The following RPS3 variants were observed in gnomAD, a reference collection of about 807,000 sequenced individuals.
RPS3 encodes the protein small ribosomal subunit protein uS3.
Under a neutral mutation model 25.8 loss-of-function variants are expected in RPS3, and 2 were observed. That is an observed-to-expected ratio of 0.08 (90% CI 0.03 to 0.24). RPS3 has a LOEUF of 0.24. Ranked by LOEUF, RPS3 falls within the 10% of genes least tolerant of loss-of-function variation. RPS3 has a pLI of 1.00. For synonymous variants in RPS3, 114 were observed against 114.2 expected (o/e 1.00, Z 0.01); for missense variants, 107 against 307.1 (o/e 0.35, Z 4.87).
downstream of RPS3, among the ~76,000 whole-genome samples, chr11:75,410,549 C>T (rs1448820233): frequency 1.5e-4 from 23 of 151,556 alleles, no homozygotes; most frequent in African/African-American, 4.8e-4. Flanking sequence ...AGACGATGGG[C>T]GGCCAGGCAG....
Position 75,399,552 on chromosome 11 carries a change from C to T in RPS3, c.5C>T (p.Ala2Val), listed in dbSNP as rs1046077337. 10 of 1,613,910 alleles carry T rather than the reference C, an allele frequency of 6.2e-6. No individual in the cohort carries two copies. Among genetic ancestry groups the T allele is most frequent in the African/African-American group, 2.7e-5 (2 of 75,048 alleles). ...TCAGCGGAGCGCGGCGGCAAGATGG[C>T]AGTGCAAATATCCAAGAAGAGGAAG... M[A>V]VQISKKRKFV... The change falls in exon 1 of 7, where the codon GCA becomes GTA. Residue 2 changes from alanine to valine, a missense_variant. By Grantham distance (64) the Ala-to-Val change is moderately conservative. Coordinates refer to ENST00000531188, the MANE Select transcript of RPS3 (RefSeq NM_001005.5).
chr11:75,421,238 G>T (rs756641889), intron 6 of RPS3, among the ~76,000 whole-genome samples: 80 of 152,304 alleles, frequency 5.3e-4, no homozygotes, highest in Non-Finnish European at 1.0e-3. Context: ...TGATGGGCCG[G>T]CCCCAGCTGG....
intron 6 of RPS3, among the ~76,000 whole-genome samples, chr11:75,416,100 C>T (rs1172008292): frequency 6.6e-6 from 1 of 152,134 alleles, no homozygotes; most frequent in Non-Finnish European, 1.5e-5. Context: ...TTGGATTCAG[C>T]ACCAGGTATA....
At chr11:75,417,876 T>A (rs766587622) in intron 6 of RPS3, among the ~76,000 whole-genome samples, 14 of 152,114 alleles carry the variant, frequency 9.2e-5, no homozygotes, top group Non-Finnish European at 1.9e-4. Flanking sequence ...GATGCTGGGG[T>A]CTTGGGAAGG....
Position 75,404,417 on chromosome 11 carries a change from T to G in RPS3, c.538+210T>G, listed in dbSNP as rs1383402578. On this transcript the variant is annotated intron_variant, in intron 5 of 6. Transcript: ENST00000531188. This position sits in a 1 kb window ranked among gnomAD's most constrained non-coding sequence, Gnocchi z 4.6. Reference sequence around the variant, plus strand: ...TTTGTCCTTGTTTTAGCCATCTGTGTACCCTTCAGTGATGACACGATGACG... The same window carrying G: ...TTTGTCCTTGTTTTAGCCATCTGTGGACCCTTCAGTGATGACACGATGACG... 1.3e-6 allele frequency: 1 copy of G among 783,758 alleles called. No individual in the cohort carries two copies. The highest frequency in any genetic ancestry group is 1.7e-5 in the African/African-American group (1 of 59,396). The allele number at this position is 783,758 out of a possible 1,614,324, so 48.6% of individuals were successfully genotyped here. A position where few individuals can be genotyped will look rare whatever the true frequency, so the allele number is the denominator to read the frequency against.
downstream of RPS3, among the ~76,000 whole-genome samples, chr11:75,409,900 G>GC (rs1948329302): frequency 6.9e-6 from 1 of 145,708 alleles, no homozygotes; most frequent in East Asian, 2.1e-4. Context: ...GGGCAGAGGC[G>GC]CCCCTCACCT....
intron 4 of RPS3, 49 bp downstream of exon 4, chr11:75,402,495 T>C: frequency 6.5e-7 from 1 of 1,549,214 alleles, no homozygotes; most frequent in Non-Finnish European, 8.8e-7. Context: ...TGTATCAACA[T>C]ACATGTCTGC....
At chr11:75,408,179 A>G (rs1388431202), downstream of RPS3, among the ~76,000 whole-genome samples, 1 of 152,210 alleles carries the variant, frequency 6.6e-6, no homozygotes, top group Non-Finnish European at 1.5e-5. Context: ...TGAATTATCA[A>G]AGTGAACACC....
intron 6 of RPS3, among the ~76,000 whole-genome samples, chr11:75,414,583 C>T (rs896070161): frequency 6.6e-6 from 1 of 150,988 alleles, no homozygotes; most frequent in African/African-American, 2.4e-5. Context: ...TGCACTCCAG[C>T]CTGGGCGACA....
chr11:75,411,491 G>C (rs1049224318), downstream of RPS3, among the ~76,000 whole-genome samples: 1 of 152,050 alleles, frequency 6.6e-6, no homozygotes, highest in African/African-American at 2.4e-5. Context: ...CTGGCTTCAC[G>C]ACATTCTCCT....
At chr11:75,418,610 C>T (rs1948420211) in intron 6 of RPS3, among the ~76,000 whole-genome samples, 1 of 152,070 alleles carries the variant, frequency 6.6e-6, no homozygotes. Flanking sequence ...ATAAATTGGT[C>T]TCGAATTAAA....
downstream of RPS3, among the ~76,000 whole-genome samples, chr11:75,409,411 C>A (rs1454034924): frequency 2.2e-5 from 3 of 135,092 alleles, no homozygotes; most frequent in African/African-American, 8.4e-5. Context: ...TGCCTTCAAG[C>A]ATCTGTTTAA....
At chr11:75,401,166 G>A (rs1432102934) in intron 2 of RPS3, among the ~76,000 whole-genome samples, 2 of 152,206 alleles carry the variant, frequency 1.3e-5, no homozygotes, top group African/African-American at 4.8e-5. Flanking sequence ...ACAGGCGTGA[G>A]CCACCGCGCC....
At chr11:75,416,127 G>C (rs755481488) in intron 6 of RPS3, among the ~76,000 whole-genome samples, 1 of 152,210 alleles carries the variant, frequency 6.6e-6, no homozygotes, top group Non-Finnish European at 1.5e-5. Flanking sequence ...AGCAGTATGA[G>C]CGCAAGCACA....
downstream of RPS3, among the ~76,000 whole-genome samples, chr11:75,409,792 G>A (rs889805323): frequency 6.7e-6 from 1 of 149,862 alleles, no homozygotes; most frequent in Non-Finnish European, 1.5e-5. Context: ...CCTCCCGGAT[G>A]GGGCGGCTGG....
intron 6 of RPS3, among the ~76,000 whole-genome samples, chr11:75,415,975 C>CAAA (rs34006322): frequency 9.1e-5 from 5 of 54,786 alleles, no homozygotes; most frequent in African/African-American, 2.3e-4. Flanking sequence ...GATACTCTGT[C>CAAA]AAAAAAAAAA....
intron 1 of RPS3, chr11:75,399,988 T>A (rs1327003218): frequency 3.6e-6 from 1 of 280,672 alleles, no homozygotes; most frequent in Admixed American, 5.0e-5. Flanking sequence ...CCCCAGGACC[T>A]CAACTTGAAG....
In RPS3 at chr11:75,404,187, G is replaced by A. The variant is rs201666763; in HGVS notation, c.518G>A (p.Arg173His). Residue 173 changes from arginine to histidine, a missense_variant, in exon 5 of 7, where the codon CGC becomes CAC. Arg to His is a conservative substitution (Grantham distance 29). This residue lies in a region of RPS3 where 81 missense variants were observed against 286.8 expected (regional missense o/e 0.28). Coordinates refer to ENST00000531188, the MANE Select transcript of RPS3 (RefSeq NM_001005.5). The surrounding 1 kb of genome is among the most constrained non-coding windows in gnomAD (Gnocchi z 4.6). ...AACTACTACGTTGACACTGCTGTGC[G>A]CCACGTGTTGCTCAGACAGGGTGAG... ...PVNYYVDTAV[R>H]HVLLRQGVLG... The A allele has an allele frequency of 4.3e-6, 7 of 1,613,954 alleles. No individual in the cohort carries two copies. Among genetic ancestry groups the A allele is most frequent in the South Asian group, 2.2e-5 (2 of 91,060 alleles).
intron 6 of RPS3, among the ~76,000 whole-genome samples, chr11:75,416,688 C>T (rs560121279): frequency 2.6e-5 from 4 of 152,106 alleles, no homozygotes; most frequent in African/African-American, 7.2e-5. Flanking sequence ...GAACTCCCAA[C>T]GTGTGGTGAT....
Sources: allele counts gnomAD v4.1 joint callset (sites outside exome capture counted in the v4.1 genomes callset), GRCh38; gene constraint gnomAD v4.1.1; regional missense constraint gnomAD v4.1.1; non-coding constraint Gnocchi (gnomAD v3.1); transcripts MANE v1.5; gene names NCBI Gene and HGNC (gene_info 2026-07-23, HGNC 2026-07-21).